Variants in GAP43 observed in about 807,000 individuals in gnomAD.
GAP43 encodes growth associated protein 43.
In GAP43, 6 loss-of-function variants were observed where a neutral mutation model predicts 18.6. The ratio of observed to expected loss-of-function variants is 0.32; its 90% CI spans 0.18 to 0.64. The LOEUF (loss-of-function observed/expected upper bound fraction) is 0.64. Ranked by LOEUF, GAP43 falls within the 30% of genes least tolerant of loss-of-function variation. GAP43 has a pLI of 0.78. For missense variants in GAP43, 292 were observed against 295.5 expected (o/e 0.99, Z 0.09); for synonymous variants, 115 against 111.4 (o/e 1.03, Z -0.20).
At chr3:115,634,763 C>G (rs535777892) in intron 1 of GAP43, among the ~76,000 whole-genome samples, 6 of 152,056 alleles carry the variant, frequency 3.9e-5, no homozygotes, top group African/African-American at 1.4e-4. Flanking sequence ...GAGCGAGACT[C>G]TGTCTCAAAA....
chr3:115,664,232 T>G (rs1473999082), intron 1 of GAP43, among the ~76,000 whole-genome samples: 2 of 151,756 alleles, frequency 1.3e-5, no homozygotes, highest in Non-Finnish European at 2.9e-5. Context: ...GGGTATTTTA[T>G]GTCATTACTT....
At chr3:115,642,802 A>C (rs1313690332) in intron 1 of GAP43, among the ~76,000 whole-genome samples, 2 of 152,080 alleles carry the variant, frequency 1.3e-5, no homozygotes, top group African/African-American at 4.8e-5. Context: ...GTTGTTGATA[A>C]TGATATTTTA....
At chr3:115,719,895 A>C (rs553154878) in intron 2 of GAP43, among the ~76,000 whole-genome samples, 1 of 152,314 alleles carries the variant, frequency 6.6e-6, no homozygotes, top group South Asian at 2.1e-4. Flanking sequence ...TTAGTAAACT[A>C]TCAGGGAGCA....
At chr3:115,686,620 T>C (rs1402783951) in intron 2 of GAP43, among the ~76,000 whole-genome samples, 3 of 152,246 alleles carry the variant, frequency 2.0e-5, no homozygotes, top group Admixed American at 1.3e-4. Context: ...TCATCAGATA[T>C]AAAATTCTCA....
intron 2 of GAP43, among the ~76,000 whole-genome samples, chr3:115,715,023 G>A (rs1302954139): frequency 6.6e-6 from 1 of 152,078 alleles, no homozygotes; most frequent in Non-Finnish European, 1.5e-5. Context: ...TGGTAGAAGA[G>A]ACTAGCTAGT....
chr3:115,681,520 G>T (rs1487368711), intron 2 of GAP43, among the ~76,000 whole-genome samples: 1 of 152,144 alleles, frequency 6.6e-6, no homozygotes, highest in African/African-American at 2.4e-5. Flanking sequence ...GCAGGGAAAA[G>T]ATCTTTGAAC....
chr3:115,655,475 T>C (rs1314894305), intron 1 of GAP43, among the ~76,000 whole-genome samples: 1 of 152,248 alleles, frequency 6.6e-6, no homozygotes, highest in East Asian at 1.9e-4. Flanking sequence ...AGAATAGCTA[T>C]TGAACAGGTC....
chr3:115,702,227 A>G (rs977154963), intron 2 of GAP43, among the ~76,000 whole-genome samples: 10 of 152,160 alleles, frequency 6.6e-5, no homozygotes, highest in South Asian at 6.2e-4. Flanking sequence ...TTAAGATTTC[A>G]TGATAAAGAA....
At position 115,627,942 on chromosome 3, in the gene GAP43, A is replaced by G. The variant is rs568149194; in HGVS notation, c.30+4223A>G. 9.8e-5 allele frequency among the ~76,000 whole-genome samples: 15 copies of G among 152,324 alleles called. No individual in the cohort carries two copies. In the South Asian group the frequency reaches 2.9e-3, roughly 29 times the overall value. ...CTGACTGTGAGCTTTAATAAACCAC[A>G]TCACCTTGGGTTTCAGTTTCCTTCT... On this transcript the variant is annotated intron_variant, in intron 1 of 2. Coordinates refer to ENST00000305124, the MANE Select transcript of GAP43 (RefSeq NM_002045.4).
chr3:115,654,623 C>CT (rs1708558788), intron 1 of GAP43, among the ~76,000 whole-genome samples: 3 of 152,250 alleles, frequency 2.0e-5, no homozygotes, highest in Admixed American at 1.3e-4. Flanking sequence ...CAAAAGATGG[C>CT]TTTTTTTCTC....
chr3:115,706,545 C>G (rs1377672931), intron 2 of GAP43, among the ~76,000 whole-genome samples: 1 of 152,152 alleles, frequency 6.6e-6, no homozygotes, highest in African/African-American at 2.4e-5. Context: ...GGCTGTTCTG[C>G]TTTGAAATAC....
At chr3:115,682,781 C>T (rs577266919) in intron 2 of GAP43, among the ~76,000 whole-genome samples, 3 of 152,306 alleles carry the variant, frequency 2.0e-5, no homozygotes, top group East Asian at 1.9e-4. Context: ...AGGTGATCCG[C>T]CTGCTTCAGC....
intron 1 of GAP43, among the ~76,000 whole-genome samples, chr3:115,628,292 C>T (rs1224016495): frequency 1.3e-5 from 2 of 151,890 alleles, no homozygotes; most frequent in African/African-American, 4.8e-5. Flanking sequence ...GAGATTTCAT[C>T]TTCTTGTGCT....
intron 1 of GAP43, among the ~76,000 whole-genome samples, chr3:115,652,384 T>TTTTTTTTG (rs1708530855): frequency 7.3e-6 from 1 of 136,742 alleles, no homozygotes; most frequent in Non-Finnish European, 1.5e-5. Flanking sequence ...TTTTTTTTTT[T>TTTTTTTTG]TGTGATAGAG....
intron 1 of GAP43, among the ~76,000 whole-genome samples, chr3:115,636,970 A>G (rs144262464): frequency 2.0e-5 from 3 of 152,234 alleles, no homozygotes; most frequent in East Asian, 3.9e-4. Flanking sequence ...CAGACTTAGT[A>G]TAAATTTAAG....
chr3:115,713,956 A>T (rs1336755175), intron 2 of GAP43, among the ~76,000 whole-genome samples: 2 of 152,184 alleles, frequency 1.3e-5, no homozygotes, highest in Non-Finnish European at 2.9e-5. Flanking sequence ...CCCAGGACGA[A>T]TTACGCTCCT....
intron 1 of GAP43, among the ~76,000 whole-genome samples, chr3:115,673,226 TGA>T (rs1175079225): frequency 7.2e-5 from 11 of 152,154 alleles, no homozygotes; most frequent in Non-Finnish European, 1.5e-4. Context: ...TTTAAGAAAT[TGA>T]GAGAGAGAGA....
At chr3:115,645,619 A>G (rs200313324) in intron 1 of GAP43, among the ~76,000 whole-genome samples, 2 of 148,058 alleles carry the variant, frequency 1.4e-5, no homozygotes, top group African/African-American at 4.9e-5. Context: ...TGGAAAAAAA[A>G]CCCAAAAATG....
intron 1 of GAP43, chr3:115,663,459 C>T: frequency 9.9e-7 from 1 of 1,012,192 alleles, no homozygotes. Context: ...GATGCCCTCT[C>T]CCTCCCTCTT....
Sources: allele counts gnomAD v4.1 joint callset (sites outside exome capture counted in the v4.1 genomes callset), GRCh38; gene constraint gnomAD v4.1.1; transcripts MANE v1.5; gene names NCBI Gene and HGNC (gene_info 2026-07-23, HGNC 2026-07-21).